KCNS3: variants seen among roughly 807,000 people sequenced by gnomAD.
KCNS3 encodes potassium voltage-gated channel modifier subfamily S member 3, also known as delayed-rectifier potassium channel regulatory subunit KCNS3.
A neutral mutation model predicts 31.0 loss-of-function variants in KCNS3; 13 were observed. The ratio of observed to expected loss-of-function variants is 0.42; its 90% CI spans 0.27 to 0.67. The LOEUF (loss-of-function observed/expected upper bound fraction) is 0.67. Ranked by LOEUF, KCNS3 falls within the 30% of genes least tolerant of loss-of-function variation. KCNS3 has a pLI of 0.25. For missense variants in KCNS3, 545 were observed against 622.4 expected (o/e 0.88, Z 1.32); for synonymous variants, 238 against 241.5 (o/e 0.99, Z 0.13).
chr2:17,897,230 C>CT (rs984920043), intron 1 of KCNS3, among the ~76,000 whole-genome samples: 3 of 152,250 alleles, frequency 2.0e-5, no homozygotes, highest in Admixed American at 6.5e-5. Context: ...TGATTTTGTT[C>CT]TTTTTTACAG....
chr2:17,911,719 C>T (rs56356743), intron 1 of KCNS3, among the ~76,000 whole-genome samples: 4,097 of 152,242 alleles, frequency 0.027, 143 homozygotes, highest in African/African-American at 0.08. Context: ...TTGTACTTAG[C>T]ATATTGTGAC....
chr2:17,912,657 A>T (rs1662497368), intron 1 of KCNS3, among the ~76,000 whole-genome samples: 1 of 152,116 alleles, frequency 6.6e-6, no homozygotes, highest in South Asian at 2.1e-4. Context: ...CCCCAGGGGG[A>T]GGTTGTCTAG....
intron 1 of KCNS3, among the ~76,000 whole-genome samples, chr2:17,915,370 C>A (rs1662565686): frequency 6.6e-6 from 1 of 152,144 alleles, no homozygotes; most frequent in Non-Finnish European, 1.5e-5. Flanking sequence ...GATTGTTAGG[C>A]AGGAATGGGA....
chr2:17,917,397 A>C (rs956856510), intron 1 of KCNS3, among the ~76,000 whole-genome samples: 1 of 152,202 alleles, frequency 6.6e-6, no homozygotes, highest in South Asian at 2.1e-4. Context: ...CCCTAATTCT[A>C]GTGCCTGGTT....
intron 1 of KCNS3, among the ~76,000 whole-genome samples, chr2:17,893,957 T>A (rs896547664): frequency 2.7e-5 from 4 of 149,178 alleles, no homozygotes; most frequent in Admixed American, 1.3e-4. Context: ...TTTTTTTTTT[T>A]TTTTTTTTTA....
At chr2:17,906,553 A>T (rs957836727) in intron 1 of KCNS3, among the ~76,000 whole-genome samples, 3 of 152,056 alleles carry the variant, frequency 2.0e-5, no homozygotes, top group African/African-American at 7.2e-5. Flanking sequence ...TTGTGATGTT[A>T]GGTTGTCAGT....
chr2:17,922,141 T>G (rs968349040), intron 2 of KCNS3, among the ~76,000 whole-genome samples: 2 of 151,204 alleles, frequency 1.3e-5, no homozygotes, highest in Non-Finnish European at 1.5e-5. Context: ...TCTAAAATAT[T>G]TATTTTGTTC....
chr2:17,921,889 A>ATTT (rs1662714657), intron 2 of KCNS3, among the ~76,000 whole-genome samples: 2 of 130,022 alleles, frequency 1.5e-5, no homozygotes, highest in Admixed American at 8.1e-5. Flanking sequence ...AATGTCCCTG[A>ATTT]TTTTCATATA....
intron 1 of KCNS3, among the ~76,000 whole-genome samples, chr2:17,879,636 C>T (rs2125228453): frequency 6.6e-6 from 1 of 152,358 alleles, no homozygotes; most frequent in East Asian, 1.9e-4. Flanking sequence ...CGCGGCGAGC[C>T]TGGCTGGGCG....
chr2:17,907,463 A>C (rs539150724), intron 1 of KCNS3, among the ~76,000 whole-genome samples: 1 of 152,164 alleles, frequency 6.6e-6, no homozygotes, highest in Non-Finnish European at 1.5e-5. Flanking sequence ...ATTTACATTT[A>C]AGGTTAATAT....
intron 2 of KCNS3, among the ~76,000 whole-genome samples, chr2:17,922,516 A>G (rs1188540214): frequency 1.3e-5 from 2 of 152,140 alleles, no homozygotes; most frequent in East Asian, 3.8e-4. Flanking sequence ...TTATTGAGAT[A>G]TGCTTTGAAT....
intron 1 of KCNS3, among the ~76,000 whole-genome samples, chr2:17,892,650 C>CTTTTCCTATG (rs1002117597): frequency 3.3e-5 from 5 of 152,160 alleles, no homozygotes; most frequent in Admixed American, 2.6e-4. Flanking sequence ...TACTCTCCCC[C>CTTTTCCTATG]TTTTCCTATG....
chr2:17,911,691 G>A (rs7599853), intron 1 of KCNS3, among the ~76,000 whole-genome samples: 135,459 of 152,282 alleles, frequency 0.89, 60,761 homozygotes, highest in East Asian at 0.99. Flanking sequence ...TATATATTGC[G>A]TCATAATTAT....
chr2:17,908,588 G>GT (rs1162407764), intron 1 of KCNS3, among the ~76,000 whole-genome samples: 3 of 152,156 alleles, frequency 2.0e-5, no homozygotes, highest in African/African-American at 7.2e-5. Context: ...CATCTTTGTG[G>GT]TTTTATCTAC....
chr2:17,903,152 A>C (rs1394133694), intron 1 of KCNS3, among the ~76,000 whole-genome samples: 1 of 152,226 alleles, frequency 6.6e-6, no homozygotes, highest in Non-Finnish European at 1.5e-5. Flanking sequence ...GAATGGAAGC[A>C]GCCAGTAGCT....
chr2:17,900,735 C>A (rs12478311), intron 1 of KCNS3, among the ~76,000 whole-genome samples: 14,099 of 152,118 alleles, frequency 0.093, 847 homozygotes, highest in South Asian at 0.19. Flanking sequence ...GGTGATCTGC[C>A]TGTCTCGGCC....
rs1229686377 is a variant in KCNS3, at chr2:17,920,737, T to C, written c.-60+2866T>C. Among the ~76,000 whole-genome samples, 3 of 152,218 alleles carry C rather than the reference T, an allele frequency of 2.0e-5. No homozygotes were observed. In the East Asian group the frequency reaches 5.8e-4, roughly 29 times the overall value. On this transcript the variant is annotated intron_variant, in intron 2 of 2. Coordinates refer to ENST00000304101, the MANE Select transcript of KCNS3 (RefSeq NM_002252.5). ...GAGAATGAAAATAGCAGTTGGGTCTTCTACTTTGTGGCCAATGCCACTGTA... is the reference window on the plus strand; with the variant it reads ...GAGAATGAAAATAGCAGTTGGGTCTCCTACTTTGTGGCCAATGCCACTGTA...
intron 1 of KCNS3, among the ~76,000 whole-genome samples, chr2:17,884,268 A>AATATATAT (rs1227638443): frequency 2.9e-3 from 133 of 46,602 alleles, no homozygotes; most frequent in Middle Eastern, 0.014. Context: ...AAAAAAAAAA[A>AATATATAT]ATATATATAT....
rs1023517628 is a variant in KCNS3 at position 17,923,157 on chromosome 2, C to A, written c.-60+5286C>A. Among the ~76,000 whole-genome samples, 3 of 152,110 alleles carry A rather than the reference C, an allele frequency of 2.0e-5. No individual in the cohort carries two copies. In the East Asian group the frequency reaches 5.8e-4, roughly 29 times the overall value. ...CATTATTATTACTTTTTGACTATAG[C>A]CATCATACTGGTATGAAGTGGTGTC... is the stretch of plus-strand genomic sequence containing the variant. On this transcript the variant is annotated intron_variant, in intron 2 of 2. Coordinates refer to ENST00000304101, the MANE Select transcript of KCNS3 (RefSeq NM_002252.5).
Sources: gnomAD v4.1 joint callset for allele counts (sites outside exome capture counted in the v4.1 genomes callset) on GRCh38, gnomAD v4.1.1 for gene constraint, MANE v1.5 for transcripts, NCBI Gene and HGNC (gene_info 2026-07-23, HGNC 2026-07-21) for gene names.